Variants in SORCS1 observed in about 807,000 individuals in gnomAD.
The protein encoded by SORCS1 is sortilin related VPS10 domain containing receptor 1.
In SORCS1, 60 loss-of-function variants were observed where a neutral mutation model predicts 146.1. That is an observed-to-expected ratio of 0.41 (90% CI 0.33 to 0.51). SORCS1 has a LOEUF of 0.51. Among genes scored for constraint, SORCS1 ranks in the 20% least tolerant of loss-of-function variants. SORCS1 has a pLI of 0.21. For missense variants in SORCS1, 1,352 were observed against 1,487.6 expected (o/e 0.91, Z 1.50); for synonymous variants, 637 against 584.0 (o/e 1.09, Z -1.31).
chr10:107,002,576 A>G (rs982442154), intron 1 of SORCS1, among the ~76,000 whole-genome samples: 3 of 152,222 alleles, frequency 2.0e-5, no homozygotes, highest in African/African-American at 7.2e-5. Context: ...GGGAGAATGT[A>G]AGAACACATA....
intron 3 of SORCS1, among the ~76,000 whole-genome samples, chr10:106,807,751 C>T (rs2136731481): frequency 6.6e-6 from 1 of 152,370 alleles, no homozygotes; most frequent in Middle Eastern, 3.4e-3. Context: ...AGCAGCTAAG[C>T]TCCAACTATG....
intron 2 of SORCS1, among the ~76,000 whole-genome samples, chr10:106,915,237 T>C (rs1183517247): frequency 6.6e-6 from 1 of 152,200 alleles, no homozygotes; most frequent in Admixed American, 6.5e-5. Flanking sequence ...CTGTTAGGCA[T>C]GCTAGGCACC....
intron 1 of SORCS1, among the ~76,000 whole-genome samples, chr10:107,133,777 G>A (rs1967047263): frequency 6.6e-6 from 1 of 152,162 alleles, no homozygotes; most frequent in South Asian, 2.1e-4. Flanking sequence ...CTTTAGAAAT[G>A]TGCCAACCAA....
At position 106,812,247 on chromosome 10, in the gene SORCS1, G is replaced by T. The variant is rs1205603605; in HGVS notation, c.726+17327C>A. Among the ~76,000 whole-genome samples, 4 of 152,074 alleles carry T rather than the reference G, an allele frequency of 2.6e-5. 1 individual carries two copies. Among genetic ancestry groups the T allele is most frequent in the Non-Finnish European group, 5.9e-5 (4 of 68,020 alleles). On this transcript the variant is annotated intron_variant, in intron 3 of 25. Coordinates refer to ENST00000263054, the MANE Select transcript of SORCS1 (RefSeq NM_052918.5). ...GATCTCCTGACCTCATGATCCGCCC[G>T]CCTCGGCCTCCCAAAGTGCTGGGAT...
At chr10:106,913,440 T>C (rs191720068) in intron 2 of SORCS1, among the ~76,000 whole-genome samples, 1 of 152,306 alleles carries the variant, frequency 6.6e-6, no homozygotes, top group East Asian at 1.9e-4. Context: ...TGGATTTTCA[T>C]GTGGAGGCGA....
chr10:106,885,212 CTCTG>C (rs1015123365), intron 2 of SORCS1, among the ~76,000 whole-genome samples: 5 of 144,098 alleles, frequency 3.5e-5, no homozygotes, highest in African/African-American at 1.3e-4. Flanking sequence ...CTTCTTGCTT[CTCTG>C]TATTTTCTAA....
At chr10:106,972,380 C>CAAAA (rs35202189) in intron 1 of SORCS1, among the ~76,000 whole-genome samples, 1,438 of 94,076 alleles carry the variant, frequency 0.015, 28 homozygotes, top group African/African-American at 0.05. Flanking sequence ...GACTCTGTCT[C>CAAAA]AAAAAAAAAA....
intron 5 of SORCS1, among the ~76,000 whole-genome samples, chr10:106,753,227 C>T (rs1858389750): frequency 1.3e-5 from 2 of 152,064 alleles, no homozygotes; most frequent in African/African-American, 4.8e-5. Context: ...AGGAAAAATG[C>T]AGAGGCTCAG....
intron 1 of SORCS1, among the ~76,000 whole-genome samples, chr10:106,976,718 G>A (rs759560787): frequency 1.1e-4 from 17 of 151,946 alleles, no homozygotes; most frequent in South Asian, 2.1e-4. Flanking sequence ...AATTGGCTCC[G>A]GTGTGTGTTG....
At chr10:106,640,119 A>T (rs1564807099) in intron 18 of SORCS1, among the ~76,000 whole-genome samples, 1 of 152,210 alleles carries the variant, frequency 6.6e-6, no homozygotes, top group Non-Finnish European at 1.5e-5. Context: ...TCTCCAGATG[A>T]AAAAGCAGGT....
intron 16 of SORCS1, among the ~76,000 whole-genome samples, chr10:106,670,097 T>C (rs1401917273): frequency 1.3e-5 from 2 of 152,230 alleles, no homozygotes; most frequent in Non-Finnish European, 2.9e-5. Context: ...TATTTAGCGA[T>C]TGTGTTTTCT....
Position 106,833,872 on chromosome 10 carries a change from C to CA in SORCS1, c.627-4200dup, listed in dbSNP as rs553103905. Among the ~76,000 whole-genome samples the CA allele has an allele frequency of 8.9e-3, 1,349 of 152,304 alleles. 19 individuals are homozygous for CA. The highest frequency in any genetic ancestry group is 0.012 in the Non-Finnish European group (784 of 68,024). Reference sequence around the variant, plus strand: ...GCAGTGGCGCAATCTCGGCTCACTGCAAGCTCCGCCTCCTGGGTTCACGCC... The same window carrying CA: ...GCAGTGGCGCAATCTCGGCTCACTGCAAAGCTCCGCCTCCTGGGTTCACGCC... On this transcript the variant is annotated intron_variant, in intron 2 of 25. Coordinates refer to ENST00000263054, the MANE Select transcript of SORCS1 (RefSeq NM_052918.5).
At chr10:107,095,522 AGCAAT>A (rs1163728967) in intron 1 of SORCS1, among the ~76,000 whole-genome samples, 2 of 152,364 alleles carry the variant, frequency 1.3e-5, no homozygotes, top group East Asian at 3.9e-4. Flanking sequence ...TTATCCAGAA[AGCAAT>A]GAATTTTAAC....
intron 1 of SORCS1, among the ~76,000 whole-genome samples, chr10:107,094,093 T>A (rs1286594102): frequency 6.6e-6 from 1 of 152,186 alleles, no homozygotes. Context: ...TCCATAACAG[T>A]GATGATCATA....
At chr10:106,866,895 A>T (rs1196731112) in intron 2 of SORCS1, among the ~76,000 whole-genome samples, 1 of 152,216 alleles carries the variant, frequency 6.6e-6, no homozygotes, top group African/African-American at 2.4e-5. Flanking sequence ...ACATGCAGAG[A>T]TGAGAAAAAA....
In SORCS1 at chr10:107,133,456, G is replaced by A. The variant is rs566853039; in HGVS notation, c.558+30513C>T. 1.5e-4 allele frequency among the ~76,000 whole-genome samples: 23 copies of A among 152,214 alleles called. No individual in the cohort carries two copies. The East Asian group carries it at 1.5e-3, about 10-fold the overall frequency. ...TTTCAGGAGGGAAGGGTAGAATGCC[G>A]GAGAAGGTCAGAAAGACCTTGATTT... is the stretch of plus-strand genomic sequence containing the variant. On this transcript the variant is annotated intron_variant, in intron 1 of 25. Coordinates refer to ENST00000263054, the MANE Select transcript of SORCS1 (RefSeq NM_052918.5).
At chr10:106,894,318 A>T (rs967183111) in intron 2 of SORCS1, among the ~76,000 whole-genome samples, 3 of 151,102 alleles carry the variant, frequency 2.0e-5, no homozygotes, top group Non-Finnish European at 2.9e-5. Flanking sequence ...TAGGGAGAAT[A>T]GAAAGGCCTC....
At chr10:107,081,739 G>A (rs1303709963) in intron 1 of SORCS1, among the ~76,000 whole-genome samples, 1 of 152,182 alleles carries the variant, frequency 6.6e-6, no homozygotes. Context: ...GTAACTGCAT[G>A]AATAGCATCA....
intron 2 of SORCS1, among the ~76,000 whole-genome samples, chr10:106,854,567 T>C (rs1284923409): frequency 6.6e-6 from 1 of 151,448 alleles, no homozygotes. Flanking sequence ...TGATTTTAAT[T>C]GAGCATTTTA....
Sources: gnomAD v4.1 joint callset for allele counts (sites outside exome capture counted in the v4.1 genomes callset) on GRCh38, gnomAD v4.1.1 for gene constraint, MANE v1.5 for transcripts, NCBI Gene and HGNC (gene_info 2026-07-23, HGNC 2026-07-21) for gene names.